The following COX7B2 variants were observed in gnomAD, a reference collection of about 807,000 sequenced individuals.
COX7B2 encodes the protein cytochrome c oxidase subunit 7B2, mitochondrial.
For synonymous variants in COX7B2, 37 were observed against 32.1 expected, an observed-to-expected ratio of 1.15 and a Z score of -0.51; for missense variants, 109 against 95.9, an observed-to-expected ratio of 1.14 and a Z score of -0.57.
chr4:46,799,626 G>C (rs1160764059), intron 2 of COX7B2, among the ~76,000 whole-genome samples: 2 of 152,050 alleles, frequency 1.3e-5, no homozygotes, highest in African/African-American at 4.8e-5. Context: ...GATGGTTTTT[G>C]TTTTTAGTTC....
At chr4:46,807,030 C>T (rs1241179944) in intron 2 of COX7B2, among the ~76,000 whole-genome samples, 4 of 151,936 alleles carry the variant, frequency 2.6e-5, no homozygotes, top group Middle Eastern at 3.4e-3. Flanking sequence ...TTTGTATATA[C>T]GGCCAGAAGA....
intron 2 of COX7B2, among the ~76,000 whole-genome samples, chr4:46,804,861 T>A (rs538221225): frequency 0.013 from 1,907 of 152,302 alleles, 32 homozygotes; most frequent in African/African-American, 0.044. Flanking sequence ...TTGATGGGAC[T>A]GGGCACCGTG....
At chr4:46,879,896 A>AG (rs1244679048) in intron 1 of COX7B2, among the ~76,000 whole-genome samples, 1 of 152,212 alleles carries the variant, frequency 6.6e-6, no homozygotes, top group Non-Finnish European at 1.5e-5. Context: ...TGTATTAATG[A>AG]GAACTCACAG....
At chr4:46,833,312 A>C (rs961788071) in intron 2 of COX7B2, among the ~76,000 whole-genome samples, 13 of 152,374 alleles carry the variant, frequency 8.5e-5, no homozygotes, top group Admixed American at 7.8e-4. Context: ...ACAATTAAAA[A>C]GTGAGCATAT....
intron 2 of COX7B2, among the ~76,000 whole-genome samples, chr4:46,766,007 T>C (rs1716512596): frequency 6.6e-6 from 1 of 151,694 alleles, no homozygotes; most frequent in South Asian, 2.1e-4. Flanking sequence ...CAAACTCCAG[T>C]CCAGGTCCAC....
chr4:46,799,554 T>C (rs1718541959), intron 2 of COX7B2, among the ~76,000 whole-genome samples: 1 of 152,176 alleles, frequency 6.6e-6, no homozygotes, highest in African/African-American at 2.4e-5. Context: ...TGTTGAGAGT[T>C]TATAATATAA....
intron 2 of COX7B2, among the ~76,000 whole-genome samples, chr4:46,786,922 C>T (rs528418320): frequency 2.0e-5 from 3 of 152,234 alleles, no homozygotes; most frequent in Non-Finnish European, 2.9e-5. Flanking sequence ...ACCCTCCACA[C>T]GTGGCATAAA....
chr4:46,775,352 G>T (rs775379947), intron 2 of COX7B2, among the ~76,000 whole-genome samples: 3 of 152,028 alleles, frequency 2.0e-5, no homozygotes, highest in Non-Finnish European at 2.9e-5. Context: ...TCAGTTTGGT[G>T]TTGTAACAAA....
chr4:46,747,270 C>G (rs781392737), intron 2 of COX7B2, among the ~76,000 whole-genome samples: 2 of 116,616 alleles, frequency 1.7e-5, no homozygotes, highest in Non-Finnish European at 3.8e-5. Flanking sequence ...ATATTCTCAT[C>G]ATTAAGCTCC....
At chr4:46,895,539 G>C (rs1351178827) in intron 1 of COX7B2, among the ~76,000 whole-genome samples, 1 of 152,052 alleles carries the variant, frequency 6.6e-6, no homozygotes, top group Non-Finnish European at 1.5e-5. Flanking sequence ...TAACTATTGG[G>C]TACTAGGCTT....
chr4:46,775,378 T>C (rs1020745120), intron 2 of COX7B2, among the ~76,000 whole-genome samples: 20 of 152,270 alleles, frequency 1.3e-4, no homozygotes, highest in Middle Eastern at 3.4e-3. Flanking sequence ...AAAAAGTCAC[T>C]GTATTTTAGG....
At chr4:46,889,475 C>T (rs993808240) in intron 1 of COX7B2, among the ~76,000 whole-genome samples, 1 of 152,146 alleles carries the variant, frequency 6.6e-6, no homozygotes, top group African/African-American at 2.4e-5. Flanking sequence ...TTCTGTTTTC[C>T]GATGCTTCTC....
chr4:46,904,519 C>T (rs1720260658), intron 1 of COX7B2, among the ~76,000 whole-genome samples: 1 of 152,074 alleles, frequency 6.6e-6, no homozygotes, highest in African/African-American at 2.4e-5. Context: ...ATATTTTTCA[C>T]TTATCAGATT....
At chr4:46,905,789 T>TA (rs1311110287) in intron 1 of COX7B2, among the ~76,000 whole-genome samples, 1 of 147,698 alleles carries the variant, frequency 6.8e-6, no homozygotes, top group Non-Finnish European at 1.5e-5. Context: ...AAACAGAGCC[T>TA]ACCATCTCTG....
At chr4:46,856,634 T>C (rs755618023) in intron 1 of COX7B2, among the ~76,000 whole-genome samples, 13 of 151,974 alleles carry the variant, frequency 8.6e-5, no homozygotes, top group Non-Finnish European at 2.9e-5. Flanking sequence ...CAACCCCAAA[T>C]AGAAACTACA....
At chr4:46,868,021 T>C (rs941430660) in intron 1 of COX7B2, among the ~76,000 whole-genome samples, 6 of 152,134 alleles carry the variant, frequency 3.9e-5, no homozygotes, top group Non-Finnish European at 5.9e-5. Flanking sequence ...TTTTTATTGG[T>C]TGGTAGTCTA....
rs528973579 is a variant in COX7B2 at position 46,781,934 on chromosome 4, AC to A, written c.-49-46694del. Among the ~76,000 whole-genome samples the A allele has an allele frequency of 6.7e-4, 102 of 151,882 alleles. 1 individual carries two copies. The highest frequency in any genetic ancestry group is 2.3e-3 in the African/African-American group (96 of 41,400). The stretch of plus-strand genomic sequence containing the variant: ...GACCTGCAGCCCTCCATGCTCAAGC[AC>A]CCCCCATCCCGCCCGGAGGGCTCCT... On this transcript the variant is annotated intron_variant, in intron 2 of 2. Transcript: ENST00000355591.
At chr4:46,857,594 AG>A (rs1433612200) in intron 1 of COX7B2, among the ~76,000 whole-genome samples, 2 of 152,188 alleles carry the variant, frequency 1.3e-5, no homozygotes, top group Non-Finnish European at 2.9e-5. Flanking sequence ...TGGGAGAAAA[AG>A]AATTTTAATA....
chr4:46,821,161 T>C (rs1223663493), intron 2 of COX7B2, among the ~76,000 whole-genome samples: 1 of 152,158 alleles, frequency 6.6e-6, no homozygotes, highest in African/African-American at 2.4e-5. Flanking sequence ...AATTAATTAT[T>C]TTTAACAAGG....
Sources: gnomAD v4.1 joint callset for allele counts (sites outside exome capture counted in the v4.1 genomes callset) on GRCh38, gnomAD v4.1.1 for gene constraint, MANE v1.5 for transcripts, NCBI Gene and HGNC (gene_info 2026-07-23, HGNC 2026-07-21) for gene names.